The following ANKFN1 variants were observed in gnomAD, a reference collection of about 807,000 sequenced individuals.
ANKFN1 encodes the protein ankyrin repeat and fibronectin type-III domain-containing protein 1.
A neutral mutation model predicts 108.7 loss-of-function variants in ANKFN1; 74 were observed. That is an observed-to-expected ratio of 0.68 (90% CI 0.56 to 0.83). The LOEUF is 0.83. Among genes scored for constraint, ANKFN1 ranks in the 40% least tolerant of loss-of-function variants. The pLI, the probability that ANKFN1 is intolerant of heterozygous loss-of-function variation, is 0.00. For missense variants in ANKFN1, 1,505 were observed against 1,382.3 expected, an observed-to-expected ratio of 1.09 and a Z score of -1.41; for synonymous variants, 547 against 516.2, an observed-to-expected ratio of 1.06 and a Z score of -0.81.
intron 1 of ANKFN1, among the ~76,000 whole-genome samples, chr17:56,201,400 A>G (rs1478001452): frequency 2.6e-5 from 4 of 152,210 alleles, no homozygotes. Flanking sequence ...ACACTGTCAT[A>G]GTGGCCCATA....
intron 4 of ANKFN1, among the ~76,000 whole-genome samples, chr17:56,117,331 G>T (rs1282089589): frequency 6.6e-6 from 1 of 152,138 alleles, no homozygotes; most frequent in Non-Finnish European, 1.5e-5. Flanking sequence ...CCTGATTTTA[G>T]TTGCATCATT....
chr17:56,327,547 C>T (rs2045555456), intron 4 of ANKFN1, among the ~76,000 whole-genome samples: 1 of 152,128 alleles, frequency 6.6e-6, no homozygotes, highest in African/African-American at 2.4e-5. Context: ...GAAAGGATCT[C>T]CAAGCCACTC....
intron 4 of ANKFN1, among the ~76,000 whole-genome samples, chr17:56,064,574 C>A (rs1486504015): frequency 6.6e-6 from 1 of 152,224 alleles, no homozygotes; most frequent in Non-Finnish European, 1.5e-5. Flanking sequence ...GCCGTCCAGG[C>A]CCCCTGGCTC....
At chr17:56,252,560 G>T (rs2043258320) in intron 3 of ANKFN1, among the ~76,000 whole-genome samples, 1 of 151,582 alleles carries the variant, frequency 6.6e-6, no homozygotes, top group African/African-American at 2.4e-5. Flanking sequence ...AGGATCACTT[G>T]AGGTCAAGAG....
intron 3 of ANKFN1, among the ~76,000 whole-genome samples, chr17:56,310,458 A>G (rs1323623729): frequency 6.6e-6 from 1 of 152,110 alleles, no homozygotes; most frequent in Admixed American, 6.5e-5. Context: ...TCCACTAAAA[A>G]TACAAAAAAT....
chr17:56,123,739 G>T (rs1906753634), intron 4 of ANKFN1, among the ~76,000 whole-genome samples: 1 of 151,460 alleles, frequency 6.6e-6, no homozygotes, highest in African/African-American at 2.4e-5. Flanking sequence ...ACTCAAGTTT[G>T]TTTTTTTCTA....
chr17:56,059,716 T>A (rs1298593967), intron 4 of ANKFN1, among the ~76,000 whole-genome samples: 1 of 152,216 alleles, frequency 6.6e-6, no homozygotes, highest in Non-Finnish European at 1.5e-5. Context: ...CTTGTTTTTG[T>A]CAGGTTTGTT....
intron 3 of ANKFN1, among the ~76,000 whole-genome samples, chr17:56,239,161 T>C (rs1255267343): frequency 2.0e-5 from 3 of 152,084 alleles, no homozygotes; most frequent in Non-Finnish European, 4.4e-5. Flanking sequence ...GAGGAGAGGA[T>C]TGTAAGATAT....
chr17:56,076,453 G>A (rs1320831441), intron 4 of ANKFN1, among the ~76,000 whole-genome samples: 1 of 152,158 alleles, frequency 6.6e-6, no homozygotes, highest in African/African-American at 2.4e-5. Flanking sequence ...ATGTTATGAA[G>A]GTATAATTGT....
chr17:56,231,366 T>C (rs1261721407), intron 3 of ANKFN1, among the ~76,000 whole-genome samples: 9 of 152,212 alleles, frequency 5.9e-5, no homozygotes. Context: ...ATGGCTTTAA[T>C]GCCCTTTGCA....
chr17:56,510,605 A>T lies in ANKFN1; in HGVS notation c.2777A>T (p.Gln926Leu). ...TACCTATCATCTCACGACATTGCGCAGCAGACCCTTAGCGGCCTAAGCGGC... is the reference window on the plus strand; with the variant it reads ...TACCTATCATCTCACGACATTGCGCTGCAGACCCTTAGCGGCCTAAGCGGC... ...LVYLSSHDIA[Q>L]QTLSGLSGSA... Residue 926 changes from glutamine to leucine, a missense_variant, in exon 21 of 21, where the codon CAG becomes CTG. Coordinates refer to ENST00000682825, the MANE Select transcript of ANKFN1 (RefSeq NM_001370326.1). 6.5e-7 allele frequency: 1 copy of T among 1,536,190 alleles called. No homozygotes were observed. The highest frequency in any genetic ancestry group is 2.4e-5 in the East Asian group (1 of 40,920).
At chr17:56,173,859 ATGAG>A (rs1444379228) in intron 1 of ANKFN1, among the ~76,000 whole-genome samples, 2 of 152,226 alleles carry the variant, frequency 1.3e-5, no homozygotes, top group African/African-American at 2.4e-5. Context: ...TGGTGAATGA[ATGAG>A]TAAGTATCAG....
intron 4 of ANKFN1, among the ~76,000 whole-genome samples, chr17:56,067,835 C>T (rs1447373575): frequency 1.3e-5 from 2 of 152,110 alleles, no homozygotes; most frequent in East Asian, 1.9e-4. Flanking sequence ...GAGCAGAGAT[C>T]GACACCAGCT....
rs998364514 is a variant in ANKFN1 at position 56,492,244 on chromosome 17, T to C, written c.2318T>C (p.Val773Ala). 4.3e-6 allele frequency: 3 copies of C among 702,628 alleles called. No individual in the cohort carries two copies. Among genetic ancestry groups the C allele is most frequent in the Admixed American group, 2.0e-5 (1 of 50,000 alleles). 43.5% of individuals were successfully genotyped at this position (702,628 alleles called of 1,614,324 possible). A position where few individuals can be genotyped will look rare whatever the true frequency, so the allele number is the denominator to read the frequency against. The change falls in exon 19 of 21, where the codon GTT (valine) becomes GCT (alanine). Residue 773 changes from valine to alanine, a missense_variant. Transcript: ENST00000682825. ...AGTCTGTATTGCCGCCTTTCTGCTG[T>C]TGTGGAGCTGGATTCTCTGAACACC... ...FISLYCRLSA[V>A]VELDSLNTQQ... is the part of the protein sequence containing the mutation.
At chr17:56,225,816 T>C (rs1215462157) in intron 2 of ANKFN1, among the ~76,000 whole-genome samples, 1 of 152,206 alleles carries the variant, frequency 6.6e-6, no homozygotes, top group Non-Finnish European at 1.5e-5. Context: ...TTGAATTGAA[T>C]AGATACATAA....
intron 3 of ANKFN1, among the ~76,000 whole-genome samples, chr17:56,297,789 G>A (rs1009820716): frequency 6.6e-6 from 1 of 152,208 alleles, no homozygotes; most frequent in African/African-American, 2.4e-5. Flanking sequence ...TTATATCTCA[G>A]TCATCTTAGA....
At chr17:56,173,699 C>T (rs1045684902) in intron 1 of ANKFN1, among the ~76,000 whole-genome samples, 9 of 152,234 alleles carry the variant, frequency 5.9e-5, no homozygotes, top group Admixed American at 2.0e-4. Context: ...TGGCCTCAAG[C>T]GTTCCTCCCA....
At chr17:56,149,414 A>C (rs1908460910), upstream of ANKFN1, among the ~76,000 whole-genome samples, 1 of 152,194 alleles carries the variant, frequency 6.6e-6, no homozygotes, top group Admixed American at 6.5e-5. Context: ...ACTAAAGGAA[A>C]AGGAAGAGCT....
In ANKFN1 at chr17:56,368,057, C is replaced by A. The variant is rs1312720274; in HGVS notation, c.602-4589C>A. On this transcript the variant is annotated intron_variant, in intron 6 of 20. Coordinates refer to ENST00000682825, the MANE Select transcript of ANKFN1 (RefSeq NM_001370326.1). Reference sequence around the variant, plus strand: ...AAAATAAGGAAGTTGAAAATAGCCCCATTCTGCCATCAGATCCAGAGGCTA... The same window carrying A: ...AAAATAAGGAAGTTGAAAATAGCCCAATTCTGCCATCAGATCCAGAGGCTA... 5 of 583,688 alleles carry A rather than the reference C, an allele frequency of 8.6e-6. No individual in the cohort carries two copies. The East Asian group carries it at 2.0e-4, about 23-fold the overall frequency. 36.2% of individuals were successfully genotyped at this position (583,688 alleles called of 1,614,324 possible).
Sources: allele counts gnomAD v4.1 joint callset (sites outside exome capture counted in the v4.1 genomes callset), GRCh38; gene constraint gnomAD v4.1.1; transcripts MANE v1.5; gene names NCBI Gene and HGNC (gene_info 2026-07-23, HGNC 2026-07-21).